Variants in CCDC192 observed in about 807,000 individuals in gnomAD.
The protein encoded by CCDC192 is coiled-coil domain containing 192, also known as coiled-coil domain-containing protein 192.
intron 6 of CCDC192, among the ~76,000 whole-genome samples, chr5:127,891,087 T>C (rs1489742458): frequency 6.6e-6 from 1 of 152,234 alleles, no homozygotes; most frequent in African/African-American, 2.4e-5. Flanking sequence ...AGTCTTGCTC[T>C]GTCGCCCAGG....
At chr5:127,772,521 C>T (rs572743384) in intron 3 of CCDC192, among the ~76,000 whole-genome samples, 2 of 151,628 alleles carry the variant, frequency 1.3e-5, no homozygotes, top group East Asian at 3.9e-4. Context: ...CTTTGCTCCA[C>T]CCTCTCTGTT....
chr5:127,787,116 A>T, intron 3 of CCDC192: 1 of 246,218 alleles, frequency 4.1e-6, no homozygotes, highest in Non-Finnish European at 8.3e-6. Flanking sequence ...TTAGATAAAA[A>T]TATGCAGTAC....
intron 2 of CCDC192, among the ~76,000 whole-genome samples, chr5:127,712,064 G>A (rs1751370650): frequency 6.6e-6 from 1 of 151,964 alleles, no homozygotes; most frequent in Non-Finnish European, 1.5e-5. Context: ...CACCCCTCAA[G>A]CATTTCCTTG....
intron 6 of CCDC192, among the ~76,000 whole-genome samples, chr5:127,891,999 A>G (rs1196124687): frequency 6.6e-6 from 1 of 152,244 alleles, no homozygotes; most frequent in Non-Finnish European, 1.5e-5. Flanking sequence ...GCTGCCTTGC[A>G]TAAAGACAGG....
intron 5 of CCDC192, among the ~76,000 whole-genome samples, chr5:127,800,431 G>T (rs1757447332): frequency 8.2e-6 from 1 of 121,774 alleles, no homozygotes; most frequent in Admixed American, 9.2e-5. Context: ...GAAGACTGTT[G>T]GAAACAAAGT....
chr5:127,820,536 C>A (rs1009753963), intron 5 of CCDC192, among the ~76,000 whole-genome samples: 1 of 152,194 alleles, frequency 6.6e-6, no homozygotes. Flanking sequence ...GAGCTGAAAT[C>A]ACACCACTGC....
At chr5:127,861,129 C>T (rs2127104470) in intron 5 of CCDC192, among the ~76,000 whole-genome samples, 1 of 152,110 alleles carries the variant, frequency 6.6e-6, no homozygotes, top group East Asian at 2.0e-4. Flanking sequence ...CTTCCTCAGC[C>T]TCCCAAGTAG....
chr5:127,702,255 G>C (rs1393616676), upstream of CCDC192, among the ~76,000 whole-genome samples: 1 of 151,996 alleles, frequency 6.6e-6, no homozygotes, highest in Non-Finnish European at 1.5e-5. Flanking sequence ...ACCACACCCG[G>C]CTAATTTGGT....
At chr5:127,894,859 C>A (rs928898183) in intron 6 of CCDC192, among the ~76,000 whole-genome samples, 5 of 152,216 alleles carry the variant, frequency 3.3e-5, no homozygotes, top group Non-Finnish European at 7.3e-5. Context: ...AGTATTTGCC[C>A]ATGCTATATG....
At chr5:127,856,265 TA>T (rs1325694468) in intron 5 of CCDC192, among the ~76,000 whole-genome samples, 1 of 152,234 alleles carries the variant, frequency 6.6e-6, no homozygotes, top group Admixed American at 6.5e-5. Flanking sequence ...CTTCATTCCT[TA>T]AACCTCGTGT....
chr5:127,776,278 T>C (rs2126921789), intron 3 of CCDC192, among the ~76,000 whole-genome samples: 1 of 151,350 alleles, frequency 6.6e-6, no homozygotes, highest in South Asian at 2.1e-4. Context: ...CAAAGATTGC[T>C]CTTTTTATGC....
At chr5:127,752,656 G>C (rs1409377170) in intron 2 of CCDC192, among the ~76,000 whole-genome samples, 9 of 152,136 alleles carry the variant, frequency 5.9e-5, no homozygotes, top group Non-Finnish European at 8.8e-5. Flanking sequence ...TAGAGCTTCC[G>C]GGCTGCTTTG....
chr5:127,827,801 G>A (rs569728050), intron 5 of CCDC192, among the ~76,000 whole-genome samples: 11 of 152,228 alleles, frequency 7.2e-5, no homozygotes, highest in Non-Finnish European at 1.2e-4. Flanking sequence ...CTCCTCCGGC[G>A]CAGTCTCACC....
chr5:127,756,626 G>A (rs1030434963), intron 3 of CCDC192, among the ~76,000 whole-genome samples: 54 of 152,334 alleles, frequency 3.5e-4, no homozygotes, highest in African/African-American at 1.3e-3. Flanking sequence ...GAGCAATTTG[G>A]GGAGGTTCAG....
chr5:127,886,341 A>C (rs968291688), intron 6 of CCDC192, among the ~76,000 whole-genome samples: 1 of 152,184 alleles, frequency 6.6e-6, no homozygotes. Flanking sequence ...CTTGGCAAAC[A>C]AAGGAAGGAG....
chr5:127,832,140 C>A (rs1749825355), intron 5 of CCDC192, among the ~76,000 whole-genome samples: 1 of 152,244 alleles, frequency 6.6e-6, no homozygotes, highest in Non-Finnish European at 1.5e-5. Context: ...CTAGTAAATA[C>A]ATGAAAATAT....
chr5:127,716,809 T>A (rs1433555832), intron 2 of CCDC192, among the ~76,000 whole-genome samples: 1 of 152,152 alleles, frequency 6.6e-6, no homozygotes, highest in African/African-American at 2.4e-5. Context: ...TTGGAAACAG[T>A]TTTGAAGGGC....
intron 2 of CCDC192, among the ~76,000 whole-genome samples, chr5:127,752,369 G>C (rs1462935908): frequency 6.6e-6 from 1 of 152,142 alleles, no homozygotes; most frequent in African/African-American, 2.4e-5. Flanking sequence ...GGAGTACCCT[G>C]CCGTGTGAGG....
intron 6 of CCDC192, among the ~76,000 whole-genome samples, chr5:127,907,592 A>G (rs748881649): frequency 1.2e-4 from 19 of 152,218 alleles, no homozygotes; most frequent in Non-Finnish European, 2.6e-4. Flanking sequence ...TCTGACATCT[A>G]TTTCAAAGGT....
Sources: gnomAD v4.1 joint callset for allele counts (sites outside exome capture counted in the v4.1 genomes callset) on GRCh38, gnomAD v4.1.1 for gene constraint, MANE v1.5 for transcripts, NCBI Gene and HGNC (gene_info 2026-07-23, HGNC 2026-07-21) for gene names.